Variants in VAC14 observed in about 807,000 individuals in gnomAD.
VAC14 encodes the protein VAC14 component of PIKFYVE complex, also known as protein VAC14 homolog.
In VAC14, 47 loss-of-function variants were observed where a neutral mutation model predicts 85.3. The observed-to-expected ratio is 0.55, with a 90% CI of 0.44 to 0.70. VAC14 has a LOEUF of 0.70. VAC14 is among the 30% of genes least tolerant of loss of function. The pLI is 0.00. For synonymous variants in VAC14, 447 were observed against 430.5 expected, an observed-to-expected ratio of 1.04 and a Z score of -0.47; for missense variants, 861 against 1,004.3, an observed-to-expected ratio of 0.86 and a Z score of 1.93.
intron 13 of VAC14, 90 bp from the exon 14 acceptor site, chr16:70,731,717 C>G (rs2143002414): frequency 2.2e-6 from 3 of 1,389,596 alleles, no homozygotes; most frequent in Non-Finnish European, 1.9e-6. Context: ...ACTATAAATG[C>G]CAAAAAGATG....
At chr16:70,770,394 C>T (rs1182198542) in intron 10 of VAC14, 1 of 152,344 alleles carries the variant, frequency 6.6e-6, no homozygotes. Flanking sequence ...CCTCCTAGAT[C>T]CACTGTCCAC....
intron 14 of VAC14, among the ~76,000 whole-genome samples, chr16:70,720,810 C>A (rs1308816464): frequency 6.6e-6 from 1 of 152,224 alleles, no homozygotes; most frequent in Non-Finnish European, 1.5e-5. Flanking sequence ...GGAGCTGGAG[C>A]TCAAGACTGG....
At chr16:70,715,523 C>T (rs1423899570) in intron 14 of VAC14, 1 of 152,358 alleles carries the variant, frequency 6.6e-6, no homozygotes, top group South Asian at 2.1e-4. Flanking sequence ...GCAGCAGCGC[C>T]CTGCCGCCCC....
intron 9 of VAC14, among the ~76,000 whole-genome samples, chr16:70,775,305 T>C (rs374127911): frequency 3.3e-5 from 5 of 152,362 alleles, no homozygotes; most frequent in African/African-American, 9.6e-5. Context: ...TCTTCAATCT[T>C]ACTTTTCTCT....
intron 14 of VAC14, among the ~76,000 whole-genome samples, chr16:70,721,787 C>A (rs2054299773): frequency 6.6e-6 from 1 of 152,156 alleles, no homozygotes; most frequent in East Asian, 1.9e-4. Flanking sequence ...CGCTGCTCTG[C>A]AGACAGGGTT....
chr16:70,784,342 T>C (rs2033951656), intron 4 of VAC14, 122 bp from the exon 5 acceptor site: 1 of 724,462 alleles, frequency 1.4e-6, no homozygotes, highest in African/African-American at 1.7e-5. Flanking sequence ...TGGCAGATCC[T>C]GAGCTAGGCA....
Position 70,697,231 on chromosome 16 carries a change from C to T in VAC14, c.1863G>A (p.Leu621=). Residue 621 remains leucine, a synonymous_variant, in exon 16 of 19, where the codon CTG becomes CTA. Transcript: ENST00000261776. ...TLESQNLFCC[L]YRSWCHNPVT... ...CTGGGTTGTGGCACCAGGAGCGGTA[C>T]AGGCAGCAGAACAGGTTCTGGCTCT... 6.2e-7 allele frequency: 1 copy of T among 1,613,946 alleles called. No homozygotes were observed. The highest frequency in any genetic ancestry group is 8.5e-7 in the Non-Finnish European group (1 of 1,179,928).
chr16:70,740,475 G>C (rs2030165037), intron 13 of VAC14, among the ~76,000 whole-genome samples: 1 of 152,214 alleles, frequency 6.6e-6, no homozygotes, highest in South Asian at 2.1e-4. Flanking sequence ...GGGAGGAAAG[G>C]CATGTCTCTG....
At chr16:70,744,638 G>C (rs2030693638) in intron 12 of VAC14, 59 bp from the exon 13 acceptor site, 2 of 1,512,574 alleles carry the variant, frequency 1.3e-6, no homozygotes, top group Non-Finnish European at 8.8e-7. Context: ...TGCTGACCTG[G>C]GCAGAGGTGC....
chr16:70,737,646 C>T (rs9939769), intron 13 of VAC14, among the ~76,000 whole-genome samples: 15,453 of 152,132 alleles, frequency 0.1, 2,577 homozygotes, highest in African/African-American at 0.35. Flanking sequence ...CCCAGGCTGG[C>T]GGGGTGGGCG....
chr16:70,747,810 G>T (rs2031039536), intron 12 of VAC14: 1 of 152,376 alleles, frequency 6.6e-6, no homozygotes, highest in South Asian at 2.1e-4. Flanking sequence ...ATCCAGCGGG[G>T]CGGCTGGGGC....
intron 1 of VAC14, among the ~76,000 whole-genome samples, chr16:70,795,494 T>TGAA (rs1248171244): frequency 7.6e-5 from 7 of 91,940 alleles, no homozygotes; most frequent in Admixed American, 4.9e-4. Context: ...AGACTCTGTC[T>TGAA]AAAAAAAAAA....
intron 10 of VAC14, among the ~76,000 whole-genome samples, chr16:70,764,474 G>A (rs988306045): frequency 1.3e-5 from 2 of 152,148 alleles, no homozygotes; most frequent in African/African-American, 4.8e-5. Context: ...GGAGTCTAGG[G>A]CGGTAAACAC....
chr16:70,717,524 T>C (rs1033087516), intron 14 of VAC14, among the ~76,000 whole-genome samples: 1 of 152,258 alleles, frequency 6.6e-6, no homozygotes, highest in Non-Finnish European at 1.5e-5. Context: ...TTTTTCTTCC[T>C]GTAAGGGTGA....
chr16:70,796,780 T>A (rs1219482923), intron 1 of VAC14, among the ~76,000 whole-genome samples: 1 of 152,236 alleles, frequency 6.6e-6, no homozygotes, highest in Non-Finnish European at 1.5e-5. Flanking sequence ...ATCACTGTGA[T>A]GGACTGAACA....
intron 1 of VAC14, among the ~76,000 whole-genome samples, chr16:70,795,340 A>C (rs905995526): frequency 5.9e-5 from 9 of 151,746 alleles, no homozygotes; most frequent in Non-Finnish European, 1.3e-4. Flanking sequence ...AAACAACCAA[A>C]AAAATTAGCC....
At chr16:70,693,698 G>A (rs2053646580) in intron 17 of VAC14, among the ~76,000 whole-genome samples, 4 of 152,368 alleles carry the variant, frequency 2.6e-5, no homozygotes, top group South Asian at 2.1e-4. Context: ...AGGCGCACAG[G>A]GGAGGTGGGA....
chr16:70,716,066 C>T (rs925205316), intron 14 of VAC14: 5 of 152,252 alleles, frequency 3.3e-5, no homozygotes, highest in African/African-American at 7.2e-5. Flanking sequence ...CAGAAAACCT[C>T]AGATCCAGGT....
At position 70,750,448 on chromosome 16, in the gene VAC14, C is replaced by T. The variant is rs113543808; in HGVS notation, c.1372-5869G>A. On this transcript the variant is annotated intron_variant, in intron 12 of 18. Transcript: ENST00000261776. ...CGCCTGCCGTTACCATGGTGACAGG[C>T]GGGGGTGGGGAAGGCCCATCAGCTG... 2.0e-5 allele frequency among the ~76,000 whole-genome samples: 3 copies of T among 147,548 alleles called. No individual in the cohort carries two copies. The South Asian group carries it at 6.7e-4, about 33-fold the overall frequency.
Sources: allele counts gnomAD v4.1 joint callset (sites outside exome capture counted in the v4.1 genomes callset), GRCh38; gene constraint gnomAD v4.1.1; transcripts MANE v1.5; gene names NCBI Gene and HGNC (gene_info 2026-07-23, HGNC 2026-07-21).